Variants in RBPMS2 observed in about 807,000 individuals in gnomAD.
The protein encoded by RBPMS2 is RNA-binding protein with multiple splicing 2.
Under a neutral mutation model 25.7 loss-of-function variants are expected in RBPMS2, and 14 were observed. The observed-to-expected ratio is 0.55, with a 90% CI of 0.36 to 0.85. The LOEUF (loss-of-function observed/expected upper bound fraction) is 0.85. Ranked by LOEUF, RBPMS2 falls within the 40% of genes least tolerant of loss-of-function variation. The probability of loss-of-function intolerance (pLI) is 0.01; values close to 1 mark genes in which losing one functional copy is unlikely to be tolerated. For missense variants in RBPMS2, 252 were observed against 283.4 expected (o/e 0.89, Z 0.80); for synonymous variants, 127 against 115.6 (o/e 1.10, Z -0.63).
intron 2 of RBPMS2, 28 bp downstream of exon 2, chr15:64,751,532 AC>A: frequency 6.2e-7 from 1 of 1,602,376 alleles, no homozygotes. Context: ...CCCAGGCTCT[AC>A]CCAGGGGGCG....
At chr15:64,759,509 C>T (rs775166642) in intron 1 of RBPMS2, among the ~76,000 whole-genome samples, 10 of 152,156 alleles carry the variant, frequency 6.6e-5, no homozygotes, top group Non-Finnish European at 1.3e-4. Flanking sequence ...TTCCCATCTA[C>T]GTGTCGGTGA....
rs2083546480 is a variant in RBPMS2 at position 64,740,168 on chromosome 15, C to G, written c.*840G>C. The G allele has an allele frequency of 6.6e-6, 1 of 152,486 alleles. No homozygotes were observed. The highest frequency in any genetic ancestry group is 2.1e-4 in the South Asian group (1 of 4,836). The allele number at this position is 152,486 out of a possible 1,614,324, so 9.4% of individuals were successfully genotyped here. ...GCCTCAAACTAAACATTAAACTTAT[C>G]TGACAGGGCGAACGAGGTCGCTTTA... is the stretch of plus-strand genomic sequence containing the variant. On this transcript the variant is annotated 3_prime_UTR_variant, in exon 8 of 8. Transcript: ENST00000300069.
At chr15:64,775,203 A>T (rs751541128) in intron 1 of RBPMS2, 30 bp downstream of exon 1, 1 of 1,190,420 alleles carries the variant, frequency 8.4e-7, no homozygotes, top group Middle Eastern at 3.3e-4. Flanking sequence ...CGTGCGCTTC[A>T]CCCGGCAAGT....
chr15:64,749,586 G>A, intron 3 of RBPMS2, 93 bp from the exon 4 acceptor site: 1 of 1,165,764 alleles, frequency 8.6e-7, no homozygotes, highest in East Asian at 2.4e-5. Context: ...CATCTATGTG[G>A]AAACAGTATT....
chr15:64,760,091 T>C (rs1446709086), intron 1 of RBPMS2, among the ~76,000 whole-genome samples: 1 of 152,230 alleles, frequency 6.6e-6, no homozygotes, highest in East Asian at 1.9e-4. Flanking sequence ...CAGCAGATGC[T>C]TAGGGTCCCT....
chr15:64,747,121 G>A (rs1159381463), intron 6 of RBPMS2, among the ~76,000 whole-genome samples: 4 of 152,226 alleles, frequency 2.6e-5, no homozygotes, highest in Non-Finnish European at 5.9e-5. Context: ...GTGGTGCTCA[G>A]CTGGGGAAGA....
At chr15:64,764,902 C>G (rs1567070166) in intron 1 of RBPMS2, among the ~76,000 whole-genome samples, 1 of 125,746 alleles carries the variant, frequency 8.0e-6, no homozygotes, top group Non-Finnish European at 1.6e-5. Flanking sequence ...TGGGTGACAA[C>G]AGAGTGAGAC....
chr15:64,773,189 CT>C (rs756725100), intron 1 of RBPMS2, among the ~76,000 whole-genome samples: 1 of 152,212 alleles, frequency 6.6e-6, no homozygotes, highest in Non-Finnish European at 1.5e-5. Flanking sequence ...CTCTTAGGGG[CT>C]GCAGAACTGA....
chr15:64,741,091 C>T, intron 7 of RBPMS2, 82 bp downstream of exon 7: 1 of 1,111,210 alleles, frequency 9.0e-7, no homozygotes, highest in Non-Finnish European at 1.3e-6. Context: ...CTCTTGAGAC[C>T]CGGGGCAGAG....
intron 1 of RBPMS2, among the ~76,000 whole-genome samples, chr15:64,757,382 C>T (rs2083742791): frequency 6.6e-6 from 1 of 152,152 alleles, no homozygotes. Context: ...TTTAGGGCTC[C>T]TGCATTTACC....
intron 2 of RBPMS2, among the ~76,000 whole-genome samples, chr15:64,750,755 G>A (rs1263950973): frequency 2.6e-5 from 4 of 152,142 alleles, no homozygotes; most frequent in Non-Finnish European, 5.9e-5. Context: ...GATTCTTACT[G>A]TTAGCTGGGC....
chr15:64,744,418 C>T (rs1355121446), intron 6 of RBPMS2, among the ~76,000 whole-genome samples: 2 of 151,634 alleles, frequency 1.3e-5, no homozygotes, highest in African/African-American at 4.8e-5. Context: ...ATCAGCTGGG[C>T]GTGGTGGTAC....
chr15:64,772,381 CTA>C (rs1445235607), intron 1 of RBPMS2, among the ~76,000 whole-genome samples: 2 of 152,196 alleles, frequency 1.3e-5, no homozygotes, highest in African/African-American at 4.8e-5. Context: ...AGCACAACCT[CTA>C]GATTGGGAGG....
chr15:64,755,025 A>T (rs571131936), intron 1 of RBPMS2, among the ~76,000 whole-genome samples: 61 of 152,204 alleles, frequency 4.0e-4, no homozygotes, highest in African/African-American at 1.4e-3. Context: ...GGGGCCACAC[A>T]TTTCACCCAG....
intron 6 of RBPMS2, among the ~76,000 whole-genome samples, chr15:64,743,475 G>A (rs568787019): frequency 1.4e-4 from 21 of 152,360 alleles, no homozygotes; most frequent in African/African-American, 4.1e-4. Context: ...CTGCTTTTCC[G>A]CTTCCTCCGG....
At chr15:64,744,762 T>G (rs1296809366) in intron 6 of RBPMS2, among the ~76,000 whole-genome samples, 1 of 150,874 alleles carries the variant, frequency 6.6e-6, no homozygotes, top group Non-Finnish European at 1.5e-5. Context: ...ATTATTTATT[T>G]TAAGTCCTAA....
intron 1 of RBPMS2, among the ~76,000 whole-genome samples, chr15:64,771,567 T>A (rs931556509): frequency 6.7e-6 from 1 of 149,408 alleles, no homozygotes; most frequent in South Asian, 2.1e-4. Context: ...CCTGCAATCC[T>A]GGAGGCTGAG....
chr15:64,755,686 A>G (rs2083726363), intron 1 of RBPMS2, among the ~76,000 whole-genome samples: 1 of 152,312 alleles, frequency 6.6e-6, no homozygotes, highest in African/African-American at 2.4e-5. Flanking sequence ...TTAGGATGAC[A>G]GCCACACCAG....
At chr15:64,749,227 C>A in intron 4 of RBPMS2, 77 bp from the exon 5 acceptor site, 1 of 1,552,758 alleles carries the variant, frequency 6.4e-7, no homozygotes. Flanking sequence ...TAGAGAAGGG[C>A]GCCATAAACA....
Sources: gnomAD v4.1 joint callset for allele counts (sites outside exome capture counted in the v4.1 genomes callset) on GRCh38, gnomAD v4.1.1 for gene constraint, MANE v1.5 for transcripts, NCBI Gene and HGNC (gene_info 2026-07-23, HGNC 2026-07-21) for gene names.